Variants in KNTC1 observed in about 807,000 individuals in gnomAD.
The protein encoded by KNTC1 is kinetochore associated 1, also known as kinetochore-associated protein 1.
A neutral mutation model predicts 314.4 loss-of-function variants in KNTC1; 253 were observed. That is an observed-to-expected ratio of 0.80 (90% CI 0.73 to 0.89). The LOEUF (loss-of-function observed/expected upper bound fraction) is 0.89. Among genes scored for constraint, KNTC1 ranks in the 40% least tolerant of loss-of-function variants. The pLI is 0.00. For missense variants in KNTC1, 2,475 were observed against 2,572.9 expected (o/e 0.96, Z 0.82); for synonymous variants, 901 against 901.4 (o/e 1.00, Z 0.01).
chr12:122,610,896 C>T lies in KNTC1; in HGVS notation c.5618C>T (p.Thr1873Ile), dbSNP rs1873045559. ...CTGTTTGTATTTGCAACATCAACTA[C>T]AACCGTAAGCTCTAGAAACTTAATC... ...RMLFVFATSTTTTLGMHQLTF... is the reference protein window; with the variant it reads ...RMLFVFATSTITTLGMHQLTF... Residue 1873 changes from threonine (T) to isoleucine (I), a missense_variant, in exon 53 of 64, where the codon ACA becomes ATA. Coordinates refer to ENST00000333479, the MANE Select transcript of KNTC1 (RefSeq NM_014708.6). 1.9e-6 allele frequency: 3 copies of T among 1,607,810 alleles called. No individual in the cohort carries two copies. The highest frequency in any genetic ancestry group is 3.3e-4 in the Middle Eastern group (2 of 6,050).
chr12:122,605,705 C>T (rs1872513836), intron 51 of KNTC1, among the ~76,000 whole-genome samples: 1 of 151,316 alleles, frequency 6.6e-6, no homozygotes, highest in Admixed American at 6.6e-5. Context: ...GCTACCACAC[C>T]CGGCTGATTT....
rs749131425 is a variant in KNTC1 at position 122,586,792 on chromosome 12, ATATTTATT to A, written c.3730+57_3730+64del. 99 of 711,648 alleles carry A rather than the reference ATATTTATT, an allele frequency of 1.4e-4. 1 individual carries two copies. The highest frequency in any genetic ancestry group is 1.8e-4 in the Non-Finnish European group (91 of 502,498). 44.1% of individuals were successfully genotyped at this position (711,648 alleles called of 1,614,324 possible). On this transcript the variant is annotated intron_variant, in intron 38 of 63. Coordinates refer to ENST00000333479, the MANE Select transcript of KNTC1 (RefSeq NM_014708.6). ...ACAAGAAATATATAGCATTCTATTA[ATATTTATT>A]TATTTATTTATTTATTTATTTTATT...
intron 20 of KNTC1, chr12:122,563,788 A>G (rs74921432): frequency 1.4e-6 from 2 of 1,471,198 alleles, no homozygotes; most frequent in Admixed American, 2.2e-5. Context: ...CCATATGATG[A>G]CTCTTCCACA....
intron 1 of KNTC1, among the ~76,000 whole-genome samples, chr12:122,529,242 A>G (rs1961103861): frequency 6.6e-6 from 1 of 152,210 alleles, no homozygotes; most frequent in South Asian, 2.1e-4. Context: ...AAGAGCACCA[A>G]GTCAGAAATT....
At chr12:122,615,662 C>G in intron 57 of KNTC1, 136 bp downstream of exon 57, 2 of 809,260 alleles carry the variant, frequency 2.5e-6, no homozygotes, top group Non-Finnish European at 3.6e-6. Context: ...TGGCTCACTC[C>G]TGTAACCCCA....
At position 122,588,702 on chromosome 12, in the gene KNTC1, T is replaced by C; in HGVS notation, c.3895-10T>C. 1 of 1,492,034 alleles carries C rather than the reference T, an allele frequency of 6.7e-7. No individual in the cohort carries two copies. The highest frequency in any genetic ancestry group is 8.9e-7 in the Non-Finnish European group (1 of 1,120,428). 92.4% of individuals were successfully genotyped at this position (1,492,034 alleles called of 1,614,324 possible). On this transcript the variant is annotated splice_polypyrimidine_tract_variant and intron_variant, in intron 39 of 63. Coordinates refer to ENST00000333479, the MANE Select transcript of KNTC1 (RefSeq NM_014708.6). ...CTAGACCTAAATATTTTTTTCTTCT[T>C]TTCTAAAAGTTATTTGGAGAGACTA...
intron 43 of KNTC1, 81 bp from the exon 44 acceptor site, chr12:122,597,650 G>A: frequency 8.9e-7 from 1 of 1,128,216 alleles, no homozygotes; most frequent in Admixed American, 1.8e-5. Context: ...ATGGAAGCAT[G>A]TACCCAAGTG....
chr12:122,539,545 AAAGT>A, intron 4 of KNTC1, 127 bp from the exon 5 acceptor site: 1 of 615,982 alleles, frequency 1.6e-6, no homozygotes. Flanking sequence ...TTCCATTTTA[AAAGT>A]AAGATGTTTA....
rs746744152 is a variant in KNTC1 at position 122,538,363 on chromosome 12, T to C, written c.275T>C (p.Leu92Pro). Residue 92 changes from leucine to proline, a missense_variant, in exon 4 of 64, where the codon CTT becomes CCT. Transcript: ENST00000333479. ...GATACTGAAGTGGATGTAGTTGGCCTTTGTCAAGAAGGAAAGTTTCTTTTG... is the reference window on the plus strand; with the variant it reads ...GATACTGAAGTGGATGTAGTTGGCCCTTGTCAAGAAGGAAAGTTTCTTTTG... ...VFDTEVDVVG[L>P]CQEGKFLLVG... is the part of the protein sequence containing the mutation. The C allele has an allele frequency of 6.2e-7, 1 of 1,602,038 alleles. No individual in the cohort carries two copies. Among genetic ancestry groups the C allele is most frequent in the African/African-American group, 1.3e-5 (1 of 74,874 alleles).
At chr12:122,563,021 A>AAT (rs1555226541) in intron 20 of KNTC1, among the ~76,000 whole-genome samples, 14 of 143,678 alleles carry the variant, frequency 9.7e-5, no homozygotes, top group Admixed American at 2.7e-4. Flanking sequence ...AAAAAAAAAA[A>AAT]TTTTTTTTTT....
chr12:122,558,666 G>A (rs191979361), intron 18 of KNTC1, among the ~76,000 whole-genome samples: 1 of 151,776 alleles, frequency 6.6e-6, no homozygotes, highest in Admixed American at 6.6e-5. Context: ...GTCACCTGAG[G>A]TCAGGAGTTC....
At chr12:122,614,895 C>T (rs1873601948) in intron 55 of KNTC1, 96 bp from the exon 56 acceptor site, 2 of 729,836 alleles carry the variant, frequency 2.7e-6, no homozygotes, top group Non-Finnish European at 4.4e-6. Context: ...AAAAAAAAAG[C>T]AGCATATTTT....
At chr12:122,599,548 A>G (rs1871550940) in intron 44 of KNTC1, among the ~76,000 whole-genome samples, 1 of 151,882 alleles carries the variant, frequency 6.6e-6, no homozygotes, top group Non-Finnish European at 1.5e-5. Context: ...ATAGGGTTTC[A>G]TCATGTTGGT....
At chr12:122,584,550 G>A (rs572745017) in intron 35 of KNTC1, 100 bp downstream of exon 35, 42 of 797,858 alleles carry the variant, frequency 5.3e-5, no homozygotes, top group South Asian at 4.9e-4. Context: ...ACGGTAATCA[G>A]ACTAGAGATA....
chr12:122,570,842 A>C (rs1232550482), intron 22 of KNTC1, 34 bp from the exon 23 acceptor site: 5 of 1,354,728 alleles, frequency 3.7e-6, no homozygotes, highest in Non-Finnish European at 5.1e-6. Context: ...GTGATTATCC[A>C]TTAAGAATTT....
At chr12:122,565,121 T>A (rs561696610) in intron 20 of KNTC1, among the ~76,000 whole-genome samples, 14 of 152,278 alleles carry the variant, frequency 9.2e-5, no homozygotes, top group South Asian at 2.1e-4. Context: ...AAATTTTTTT[T>A]AAATATTACC....
intron 41 of KNTC1, 135 bp from the exon 42 acceptor site, chr12:122,591,202 G>A (rs1174268417): frequency 7.7e-6 from 5 of 648,842 alleles, no homozygotes; most frequent in Non-Finnish European, 1.4e-5. Flanking sequence ...AGTAACGACT[G>A]TGTACAAAAT....
At position 122,599,601 on chromosome 12, in the gene KNTC1, T is replaced by C. The variant is rs182067368; in HGVS notation, c.4563+1663T>C. Among the ~76,000 whole-genome samples, 485 of 152,288 alleles carry C rather than the reference T, an allele frequency of 3.2e-3. 2 individuals carry two copies. Among genetic ancestry groups the C allele is most frequent in the Non-Finnish European group, 5.9e-3 (401 of 68,018 alleles). On this transcript the variant is annotated intron_variant, in intron 44 of 63. Transcript: ENST00000333479. Reference sequence around the variant, plus strand: ...CCTGACCTCAGGTGATCTACCTGCCTCAGCCTCCCAAAGTGCTGGAATTAC... The same window carrying C: ...CCTGACCTCAGGTGATCTACCTGCCCCAGCCTCCCAAAGTGCTGGAATTAC...
rs1356507596 is a variant in KNTC1, at chr12:122,622,447, C to T, written c.6370-15C>T. 2 of 1,539,462 alleles carry T rather than the reference C, an allele frequency of 1.3e-6. No homozygotes were observed. The highest frequency in any genetic ancestry group is 2.4e-5 in the South Asian group (2 of 84,274). ...GATTAGAAGTCTGATCTTAATGATACCTGTCATTCTATAGATTAGAAGTCT... is the reference window on the plus strand; with the variant it reads ...GATTAGAAGTCTGATCTTAATGATATCTGTCATTCTATAGATTAGAAGTCT... On this transcript the variant is annotated splice_polypyrimidine_tract_variant and intron_variant, in intron 61 of 63. Transcript: ENST00000333479.
Sources: allele counts gnomAD v4.1 joint callset (sites outside exome capture counted in the v4.1 genomes callset), GRCh38; gene constraint gnomAD v4.1.1; transcripts MANE v1.5; gene names NCBI Gene and HGNC (gene_info 2026-07-23, HGNC 2026-07-21).